The following ESRRG variants were observed in gnomAD, a reference collection of about 807,000 sequenced individuals.
ESRRG encodes estrogen-related receptor gamma.
Under a neutral mutation model 44.0 loss-of-function variants are expected in ESRRG, and 13 were observed. The observed-to-expected ratio is 0.30, with a 90% CI of 0.19 to 0.47. The LOEUF is 0.47. Among genes scored for constraint, ESRRG ranks in the 20% least tolerant of loss-of-function variants. The probability of loss-of-function intolerance (pLI) is 1.00; values close to 1 mark genes in which losing one functional copy is unlikely to be tolerated. For missense variants in ESRRG, 395 were observed against 580.6 expected, an observed-to-expected ratio of 0.68 and a Z score of 3.29; for synonymous variants, 215 against 214.6, an observed-to-expected ratio of 1.00 and a Z score of -0.02.
chr1:216,646,791 G>A (rs2067683600), intron 3 of ESRRG, among the ~76,000 whole-genome samples: 1 of 152,062 alleles, frequency 6.6e-6, no homozygotes, highest in Non-Finnish European at 1.5e-5. Context: ...CACTTTTTTG[G>A]CATGAAATAA....
chr1:216,909,759 T>C (rs1422209837), intron 2 of ESRRG, among the ~76,000 whole-genome samples: 2 of 152,160 alleles, frequency 1.3e-5, no homozygotes, highest in Non-Finnish European at 2.9e-5. Flanking sequence ...ATTAGGCACG[T>C]AGTAAATGTT....
chr1:217,034,201 A>G (rs1362794503), intron 1 of ESRRG, among the ~76,000 whole-genome samples: 2 of 152,172 alleles, frequency 1.3e-5, no homozygotes, highest in Admixed American at 1.3e-4. Context: ...TGAAAATAAT[A>G]ATGTCTATGA....
chr1:216,986,977 A>G (rs2074979816), intron 1 of ESRRG, among the ~76,000 whole-genome samples: 1 of 152,116 alleles, frequency 6.6e-6, no homozygotes, highest in South Asian at 2.1e-4. Flanking sequence ...AAAAGACTAA[A>G]TTTTCTTTCT....
At chr1:216,832,931 C>T (rs549253635) in intron 2 of ESRRG, among the ~76,000 whole-genome samples, 14 of 151,602 alleles carry the variant, frequency 9.2e-5, no homozygotes, top group East Asian at 3.9e-4. Context: ...GCCGAGATTG[C>T]GCCACCACAC....
rs180944442 is a variant in ESRRG at position 216,645,546 on chromosome 1, A to G, written c.589+5427T>C. On this transcript the variant is annotated intron_variant, in intron 3 of 6. Coordinates refer to ENST00000408911, the MANE Select transcript of ESRRG (RefSeq NM_001438.4). ...ATGGACTTGCTCCAAATCACATCAC[A>G]GTATTAGGTAGACGAGAAATCAAAA... Among the ~76,000 whole-genome samples, 6 of 152,194 alleles carry G rather than the reference A, an allele frequency of 3.9e-5. No homozygotes were observed. The East Asian group carries it at 1.2e-3, about 29-fold the overall frequency.
intron 2 of ESRRG, among the ~76,000 whole-genome samples, chr1:216,923,972 T>C (rs2062175429): frequency 6.6e-6 from 1 of 152,218 alleles, no homozygotes; most frequent in Admixed American, 6.5e-5. Context: ...CAATGATTTA[T>C]GTTTACCTAC....
intron 2 of ESRRG, among the ~76,000 whole-genome samples, chr1:216,931,026 G>A (rs1450044753): frequency 2.6e-5 from 4 of 152,196 alleles, no homozygotes; most frequent in Admixed American, 6.5e-5. Flanking sequence ...ATTTTTGTAA[G>A]GAAAGCTGGC....
chr1:217,111,582 A>G (rs1276179592), intron 1 of ESRRG, among the ~76,000 whole-genome samples: 1 of 152,238 alleles, frequency 6.6e-6, no homozygotes, highest in Non-Finnish European at 1.5e-5. Flanking sequence ...CATAAACTTC[A>G]GAAACTTTTC....
intron 1 of ESRRG, among the ~76,000 whole-genome samples, chr1:217,098,158 A>C (rs830314): frequency 0.96 from 146,266 of 152,190 alleles, 70,563 homozygotes; most frequent in Middle Eastern, 1. Context: ...CAGAACATGA[A>C]AGTTCTTTAC....
At chr1:217,084,571 A>G (rs563859788) in intron 1 of ESRRG, among the ~76,000 whole-genome samples, 1 of 152,304 alleles carries the variant, frequency 6.6e-6, no homozygotes, top group East Asian at 1.9e-4. Flanking sequence ...AAGTTTTGCT[A>G]TACTTCACAT....
At chr1:216,845,490 G>T (rs2095729609) in intron 2 of ESRRG, among the ~76,000 whole-genome samples, 1 of 152,194 alleles carries the variant, frequency 6.6e-6, no homozygotes, top group African/African-American at 2.4e-5. Flanking sequence ...GAGCTCTGAA[G>T]AAAAGTCTGG....
chr1:216,885,946 G>T (rs2096510137), intron 2 of ESRRG, among the ~76,000 whole-genome samples: 1 of 151,470 alleles, frequency 6.6e-6, no homozygotes. Flanking sequence ...TCCCTTCTTA[G>T]AACCTCTAGC....
chr1:216,899,537 T>G (rs781616355), intron 2 of ESRRG, among the ~76,000 whole-genome samples: 1 of 152,172 alleles, frequency 6.6e-6, no homozygotes, highest in Non-Finnish European at 1.5e-5. Context: ...GAGATCATTT[T>G]GAAATTTCCC....
chr1:216,746,001 T>C (rs576868010), intron 2 of ESRRG, among the ~76,000 whole-genome samples: 35 of 152,348 alleles, frequency 2.3e-4, no homozygotes, highest in African/African-American at 8.2e-4. Context: ...ACCTACTATG[T>C]CTTAAGCTTT....
chr1:216,650,266 C>T (rs556235617), intron 3 of ESRRG, among the ~76,000 whole-genome samples: 1 of 152,190 alleles, frequency 6.6e-6, no homozygotes, highest in South Asian at 2.1e-4. Flanking sequence ...GTAAAGAAAA[C>T]TTTTTATCCA....
intron 1 of ESRRG, among the ~76,000 whole-genome samples, chr1:217,026,912 C>CACACACACCGAGAGAGAGAGAGAG (rs1255637839): frequency 1.1e-5 from 1 of 93,414 alleles, no homozygotes; most frequent in Admixed American, 1.2e-4. Context: ...CACACACACA[C>CACACACACCGAGAGAGAGAGAGAG]AGAGAGAGAG....
chr1:216,975,343 A>G (rs1454332480), intron 1 of ESRRG, among the ~76,000 whole-genome samples: 1 of 152,210 alleles, frequency 6.6e-6, no homozygotes, highest in African/African-American at 2.4e-5. Flanking sequence ...AGACATGGAA[A>G]GGGGAAGACA....
At chr1:217,031,794 A>G (rs1167977012) in intron 1 of ESRRG, among the ~76,000 whole-genome samples, 1 of 152,236 alleles carries the variant, frequency 6.6e-6, no homozygotes, top group Admixed American at 6.5e-5. Flanking sequence ...CGCTTTGCTC[A>G]GCTATCATTC....
intron 3 of ESRRG, among the ~76,000 whole-genome samples, chr1:216,569,156 A>AGGAGG (rs1159643273): frequency 2.4e-5 from 2 of 82,338 alleles, no homozygotes; most frequent in Non-Finnish European, 4.8e-5. Flanking sequence ...AGAGTGGAAG[A>AGGAGG]GGAGGGAAGG....
Sources: allele counts gnomAD v4.1 joint callset (sites outside exome capture counted in the v4.1 genomes callset), GRCh38; gene constraint gnomAD v4.1.1; transcripts MANE v1.5; gene names NCBI Gene and HGNC (gene_info 2026-07-23, HGNC 2026-07-21).